The following ZNF442 variants were observed in gnomAD, a reference collection of about 807,000 sequenced individuals.
ZNF442 encodes zinc finger protein 442.
A neutral mutation model predicts 57.0 loss-of-function variants in ZNF442; 45 were observed. The observed-to-expected ratio is 0.79, with a 90% CI of 0.62 to 1.01. ZNF442 has a LOEUF of 1.01. Among genes scored for constraint, ZNF442 ranks in the 50% least tolerant of loss-of-function variants. The pLI is 0.00. For synonymous variants in ZNF442, 213 were observed against 241.8 expected (o/e 0.88, Z 1.10); for missense variants, 690 against 756.5 (o/e 0.91, Z 1.03).
upstream of ZNF442, among the ~76,000 whole-genome samples, chr19:12,369,659 A>T (rs1969565340): frequency 6.6e-6 from 1 of 152,080 alleles, no homozygotes; most frequent in South Asian, 2.1e-4. Context: ...GCACTTTGGG[A>T]GGCTGAGGCA....
At chr19:12,362,027 T>C (rs966621734) in intron 3 of ZNF442, among the ~76,000 whole-genome samples, 2 of 152,194 alleles carry the variant, frequency 1.3e-5, no homozygotes, top group Admixed American at 6.5e-5. Flanking sequence ...CAGTGCTCAA[T>C]GTTGCCCAGG....
intron 3 of ZNF442, among the ~76,000 whole-genome samples, chr19:12,356,820 C>T (rs1302120869): frequency 7.4e-6 from 1 of 134,782 alleles, no homozygotes; most frequent in African/African-American, 2.7e-5. Flanking sequence ...AACACACACA[C>T]ATACATGGTC....
At chr19:12,354,342 T>C (rs1294724759) in intron 3 of ZNF442, among the ~76,000 whole-genome samples, 1 of 152,180 alleles carries the variant, frequency 6.6e-6, no homozygotes, top group Non-Finnish European at 1.5e-5. Flanking sequence ...AACTTTTTAT[T>C]AGGTAATGTC....
At position 12,350,695 on chromosome 19, in the gene ZNF442, C is replaced by T. The variant is rs564880714; in HGVS notation, c.890G>A (p.Arg297Gln). The change falls in exon 6 of 6, where the codon CGA becomes CAA. Residue 297 changes from arginine to glutamine, a missense_variant. By Grantham distance (43) the Arg-to-Gln change is conservative (BLOSUM62 1). Coordinates refer to ENST00000242804, the MANE Select transcript of ZNF442 (RefSeq NM_030824.3). ...HTGEKPYKCK[R>Q]CGRAFSVSSS... Reference sequence around the variant, plus strand: ...GGAAACACTGAAGGCTCTTCCACATCGTTTACATTTATAGGGTTTTTCTCC... The same window carrying T: ...GGAAACACTGAAGGCTCTTCCACATTGTTTACATTTATAGGGTTTTTCTCC... 303 of 1,612,766 alleles carry T rather than the reference C, an allele frequency of 1.9e-4. 4 individuals carry two copies. The South Asian group carries it at 3.1e-3, about 16-fold the overall frequency.
intron 3 of ZNF442, among the ~76,000 whole-genome samples, chr19:12,353,924 C>T (rs1244212756): frequency 6.6e-6 from 1 of 152,184 alleles, no homozygotes; most frequent in Non-Finnish European, 1.5e-5. Context: ...TCCCTCATCA[C>T]ATGACGCCCT....
At position 12,350,872 on chromosome 19, in the gene ZNF442, T is replaced by G; in HGVS notation, c.713A>C (p.Glu238Ala). The G allele has an allele frequency of 6.2e-7, 1 of 1,614,164 alleles. No individual in the cohort carries two copies. ...GAAGGCTTTACAACACTGCTTACATTCATACGGTTTCTCTCCAGTGTGAGT... is the reference window on the plus strand; with the variant it reads ...GAAGGCTTTACAACACTGCTTACATGCATACGGTTTCTCTCCAGTGTGAGT... ...ERTHTGEKPYECKQCCKAFPI... is the reference protein window; with the variant it reads ...ERTHTGEKPYACKQCCKAFPI... The change falls in exon 6 of 6, where the codon GAA becomes GCA. Residue 238 changes from glutamate to alanine, a missense_variant. Glu to Ala is a moderately radical substitution (Grantham distance 107). Transcript: ENST00000242804.
intron 3 of ZNF442, among the ~76,000 whole-genome samples, chr19:12,363,143 T>TGC (rs1211016151): frequency 5.2e-5 from 6 of 116,170 alleles, no homozygotes; most frequent in African/African-American, 2.1e-4. Context: ...TGGGCAACAG[T>TGC]GCGAAGCTCC....
upstream of ZNF442, among the ~76,000 whole-genome samples, chr19:12,370,290 C>T (rs938600786): frequency 1.3e-5 from 2 of 151,754 alleles, no homozygotes; most frequent in Non-Finnish European, 2.9e-5. Flanking sequence ...CTTGTGTGCG[C>T]AGCTCACAAT....
At chr19:12,361,777 C>G (rs1969431741) in intron 3 of ZNF442, among the ~76,000 whole-genome samples, 1 of 148,904 alleles carries the variant, frequency 6.7e-6, no homozygotes, top group Admixed American at 6.8e-5. Flanking sequence ...CGAGCGGAGG[C>G]TGGACTGTAG....
intron 3 of ZNF442, among the ~76,000 whole-genome samples, chr19:12,362,768 G>A (rs1326305277): frequency 3.3e-5 from 5 of 152,106 alleles, no homozygotes; most frequent in African/African-American, 1.2e-4. Context: ...TCGAGTGGAA[G>A]TGGGGGAAGT....
intron 3 of ZNF442, among the ~76,000 whole-genome samples, chr19:12,361,844 G>A (rs527337533): frequency 2.6e-5 from 4 of 152,174 alleles, no homozygotes; most frequent in East Asian, 3.9e-4. Flanking sequence ...TTCAGCCTGC[G>A]GAGAGCCTGG....
rs765381011 is a variant in ZNF442 at position 12,349,768 on chromosome 19, C to T, written c.1817G>A (p.Gly606Glu). 3 of 1,614,176 alleles carry T rather than the reference C, an allele frequency of 1.9e-6. No individual in the cohort carries two copies. Among genetic ancestry groups the T allele is most frequent in the African/African-American group, 1.3e-5 (1 of 75,054 alleles). Residue 606 changes from glycine to glutamate, a missense_variant, in exon 6 of 6, where the codon GGG becomes GAG. Gly to Glu is a moderately conservative substitution (Grantham distance 98, BLOSUM62 -2). Transcript: ENST00000242804. ...GEKMHECKEC[G>E]KALSSLSSLH... Reference sequence around the variant, plus strand: ...GGAACTGAGAGAACTCAGTGCCTTCCCACATTCCTTACATTCATGCATCTT... The same window carrying T: ...GGAACTGAGAGAACTCAGTGCCTTCTCACATTCCTTACATTCATGCATCTT...
Position 12,356,353 on chromosome 19 carries a change from C to T in ZNF442, c.79-3239G>A, listed in dbSNP as rs139806021. Reference sequence around the variant, plus strand: ...CTTAAAAACAAAAAGAAAGGCCAGGCGCGGTGGCTCACCCCTGTAATTCTA... The same window carrying T: ...CTTAAAAACAAAAAGAAAGGCCAGGTGCGGTGGCTCACCCCTGTAATTCTA... On this transcript the variant is annotated intron_variant, in intron 3 of 5. Coordinates refer to ENST00000242804, the MANE Select transcript of ZNF442 (RefSeq NM_030824.3). Among the ~76,000 whole-genome samples, 457 of 152,190 alleles carry T rather than the reference C, an allele frequency of 3.0e-3. 3 individuals are homozygous for T. Among genetic ancestry groups the T allele is most frequent in the African/African-American group, 0.01 (433 of 41,524 alleles).
Position 12,350,156 on chromosome 19 carries a change from T to A in ZNF442, c.1429A>T (p.Asn477Tyr). 2 of 1,614,050 alleles carry A rather than the reference T, an allele frequency of 1.2e-6. No individual in the cohort carries two copies. Among genetic ancestry groups the A allele is most frequent in the South Asian group, 2.2e-5 (2 of 91,062 alleles). The change falls in exon 6 of 6, where the codon AAT becomes TAT. Residue 477 changes from asparagine (N) to tyrosine (Y), a missense_variant. Transcript: ENST00000242804. The part of the protein sequence containing the change: ...KAFIDFYSFQ[N>Y]HETTHTGEKP... ...TCTCCAGTGTGAGTTGTTTCATGATTTTGAAAGGAATAGAAATCAATAAAG... is the reference window on the plus strand; with the variant it reads ...TCTCCAGTGTGAGTTGTTTCATGATATTGAAAGGAATAGAAATCAATAAAG...
intron 3 of ZNF442, among the ~76,000 whole-genome samples, chr19:12,357,349 C>CTTT (rs5827145): frequency 1.1e-3 from 107 of 95,254 alleles, no homozygotes; most frequent in East Asian, 1.8e-3. Context: ...CTTTTTCTTT[C>CTTT]TTTTTTTTTT....
chr19:12,367,602 G>A (rs989894304), upstream of ZNF442, among the ~76,000 whole-genome samples: 2 of 152,068 alleles, frequency 1.3e-5, no homozygotes, highest in African/African-American at 2.4e-5. Flanking sequence ...ACAGATACTC[G>A]CAGAGCAGCC....
At chr19:12,360,300 C>T (rs577523387) in intron 3 of ZNF442, among the ~76,000 whole-genome samples, 1 of 152,272 alleles carries the variant, frequency 6.6e-6, no homozygotes, top group Admixed American at 6.5e-5. Flanking sequence ...GTAACAAATA[C>T]AACCTCAAAC....
chr19:12,373,679 GC>G, the ZNF442 span: 1 of 303,314 alleles, frequency 3.3e-6, no homozygotes, highest in South Asian at 3.5e-5. Context: ...AATATGTGCC[GC>G]CAGTGTTTCT....
At chr19:12,357,969 T>C (rs1969361279) in intron 3 of ZNF442, among the ~76,000 whole-genome samples, 1 of 151,300 alleles carries the variant, frequency 6.6e-6, no homozygotes, top group South Asian at 2.1e-4. Context: ...CCACCTTTTT[T>C]TTTTTTTTTT....
Sources: allele counts gnomAD v4.1 joint callset (sites outside exome capture counted in the v4.1 genomes callset), GRCh38; gene constraint gnomAD v4.1.1; transcripts MANE v1.5; gene names NCBI Gene and HGNC (gene_info 2026-07-23, HGNC 2026-07-21).